Variants in SLC35F1 observed in about 807,000 individuals in gnomAD.
The protein encoded by SLC35F1 is chromosome 6 open reading frame 169.
A neutral mutation model predicts 48.7 loss-of-function variants in SLC35F1; 14 were observed. That is an observed-to-expected ratio of 0.29 (90% CI 0.19 to 0.45). The LOEUF (loss-of-function observed/expected upper bound fraction) is 0.45. Among genes scored for constraint, SLC35F1 ranks in the 20% least tolerant of loss-of-function variants. SLC35F1 has a pLI of 1.00. For missense variants in SLC35F1, 404 were observed against 500.0 expected, an observed-to-expected ratio of 0.81 and a Z score of 1.83; for synonymous variants, 190 against 202.2, an observed-to-expected ratio of 0.94 and a Z score of 0.51.
At chr6:117,940,351 A>G (rs993855535) in intron 1 of SLC35F1, among the ~76,000 whole-genome samples, 1 of 152,192 alleles carries the variant, frequency 6.6e-6, no homozygotes, top group African/African-American at 2.4e-5. Flanking sequence ...TGGGACATTT[A>G]ATCTATACTA....
chr6:118,277,439 A>G, intron 5 of SLC35F1, 55 bp from the exon 6 acceptor site: 1 of 1,449,400 alleles, frequency 6.9e-7, no homozygotes, highest in Non-Finnish European at 9.7e-7. Context: ...AGAAAGAAAG[A>G]AAGTAGAGTG....
intron 1 of SLC35F1, among the ~76,000 whole-genome samples, chr6:117,979,407 A>C (rs963849156): frequency 8.5e-5 from 13 of 152,218 alleles, no homozygotes; most frequent in African/African-American, 3.1e-4. Context: ...GTGTAAAGCA[A>C]ATATCAGCAG....
intron 1 of SLC35F1, among the ~76,000 whole-genome samples, chr6:118,060,891 T>A (rs997315100): frequency 2.6e-5 from 4 of 152,166 alleles, no homozygotes; most frequent in Non-Finnish European, 5.9e-5. Context: ...TGAGAGTAGA[T>A]CCAGGAGTAA....
intron 1 of SLC35F1, among the ~76,000 whole-genome samples, chr6:118,138,345 C>A (rs773353961): frequency 5.3e-5 from 8 of 151,708 alleles, no homozygotes; most frequent in African/African-American, 1.7e-4. Context: ...GAGGAAAAAA[C>A]CACAGGAGGA....
chr6:118,241,003 T>C lies in SLC35F1; in HGVS notation c.477+5367T>C, dbSNP rs532033996. Among the ~76,000 whole-genome samples, 9 of 152,280 alleles carry C rather than the reference T, an allele frequency of 5.9e-5. No individual in the cohort carries two copies. In the South Asian group the frequency reaches 1.9e-3, roughly 32 times the overall value. The stretch of plus-strand genomic sequence containing the variant: ...TTAATCTGCAAGGTAATGTGACACA[T>C]TTGAGTTTCAAAGACCATTGTGGCT... On this transcript the variant is annotated intron_variant, in intron 3 of 7. Transcript: ENST00000360388.
intron 2 of SLC35F1, among the ~76,000 whole-genome samples, chr6:118,182,980 A>G (rs1021779684): frequency 1.9e-4 from 29 of 152,346 alleles, no homozygotes; most frequent in Admixed American, 1.6e-3. Flanking sequence ...TCAAATGAAT[A>G]TAATGTATTA....
chr6:117,966,261 A>G (rs934590990), intron 1 of SLC35F1, among the ~76,000 whole-genome samples: 1 of 151,816 alleles, frequency 6.6e-6, no homozygotes, highest in Non-Finnish European at 1.5e-5. Flanking sequence ...TTGGGTCCAC[A>G]CTGCCTTTAT....
At chr6:118,170,024 G>A (rs552408995) in intron 2 of SLC35F1, among the ~76,000 whole-genome samples, 7 of 152,268 alleles carry the variant, frequency 4.6e-5, no homozygotes, top group Admixed American at 1.3e-4. Context: ...CTTCTAAAAC[G>A]CAGGCTAAGT....
intron 3 of SLC35F1, among the ~76,000 whole-genome samples, chr6:118,262,572 T>G (rs963604903): frequency 6.6e-6 from 1 of 152,202 alleles, no homozygotes; most frequent in Non-Finnish European, 1.5e-5. Context: ...GCACTTGAAC[T>G]CCGATCTAGC....
intron 1 of SLC35F1, among the ~76,000 whole-genome samples, chr6:118,147,776 G>A (rs1296528603): frequency 6.6e-6 from 1 of 152,122 alleles, no homozygotes; most frequent in Non-Finnish European, 1.5e-5. Context: ...AAAACATTAT[G>A]TTTAAAGCAC....
chr6:118,041,880 C>G (rs13201592), intron 1 of SLC35F1, among the ~76,000 whole-genome samples: 1 of 151,914 alleles, frequency 6.6e-6, no homozygotes, highest in Non-Finnish European at 1.5e-5. Flanking sequence ...GGGACCTTAT[C>G]TACTGGATGA....
chr6:118,004,293 T>C (rs1777145323), intron 1 of SLC35F1, among the ~76,000 whole-genome samples: 1 of 152,202 alleles, frequency 6.6e-6, no homozygotes, highest in Admixed American at 6.5e-5. Context: ...CTAAATGTTC[T>C]TATGGAGAAA....
At chr6:118,240,994 T>C (rs1291944662) in intron 3 of SLC35F1, among the ~76,000 whole-genome samples, 2 of 152,160 alleles carry the variant, frequency 1.3e-5, no homozygotes, top group African/African-American at 2.4e-5. Context: ...TGCAAGGTAA[T>C]GTGACACATT....
At chr6:118,125,455 G>A (rs766086458) in intron 1 of SLC35F1, among the ~76,000 whole-genome samples, 5 of 152,074 alleles carry the variant, frequency 3.3e-5, no homozygotes, top group Non-Finnish European at 4.4e-5. Context: ...TTTCTGAAAG[G>A]TGAAAATGAG....
intron 1 of SLC35F1, among the ~76,000 whole-genome samples, chr6:118,129,999 A>G (rs776525889): frequency 4.6e-5 from 7 of 152,178 alleles, no homozygotes; most frequent in Admixed American, 1.3e-4. Context: ...CAAACTCTCC[A>G]TCCCTTTAGG....
chr6:118,310,480 A>C (rs1480559769), intron 7 of SLC35F1, among the ~76,000 whole-genome samples: 6 of 152,184 alleles, frequency 3.9e-5, no homozygotes, highest in Admixed American at 3.9e-4. Flanking sequence ...TTTCTTAATT[A>C]AACTAAAAAG....
intron 6 of SLC35F1, among the ~76,000 whole-genome samples, chr6:118,283,010 A>G (rs1278758917): frequency 6.6e-6 from 1 of 152,146 alleles, no homozygotes; most frequent in Non-Finnish European, 1.5e-5. Context: ...AGCTGCCGCA[A>G]ACTCCTCAAT....
chr6:118,163,153 G>A (rs1164490529), intron 2 of SLC35F1, among the ~76,000 whole-genome samples: 3 of 151,820 alleles, frequency 2.0e-5, no homozygotes, highest in Non-Finnish European at 4.4e-5. Context: ...TAGTGGAGAC[G>A]GGGTTTCACC....
At chr6:117,932,138 G>A (rs2760230) in intron 1 of SLC35F1, among the ~76,000 whole-genome samples, 3,897 of 152,218 alleles carry the variant, frequency 0.026, 53 homozygotes, top group Non-Finnish European at 0.032. Flanking sequence ...CTCCCACTGT[G>A]TGAGGACGCA....
Sources: allele counts gnomAD v4.1 joint callset (sites outside exome capture counted in the v4.1 genomes callset), GRCh38; gene constraint gnomAD v4.1.1; transcripts MANE v1.5; gene names NCBI Gene and HGNC (gene_info 2026-07-23, HGNC 2026-07-21).